The following MEIS1 variants were observed in gnomAD, a reference collection of about 807,000 sequenced individuals.
The protein encoded by MEIS1 is homeobox protein Meis1.
In MEIS1, 5 loss-of-function variants were observed where a neutral mutation model predicts 50.8. The ratio of observed to expected loss-of-function variants is 0.10; its 90% CI spans 0.05 to 0.21. MEIS1 has a LOEUF of 0.21. Among genes scored for constraint, MEIS1 ranks in the 10% least tolerant of loss-of-function variants. The pLI is 1.00. For synonymous variants in MEIS1, 176 were observed against 179.3 expected (o/e 0.98, Z 0.15); for missense variants, 318 against 517.3 (o/e 0.61, Z 3.74).
intron 7 of MEIS1, among the ~76,000 whole-genome samples, chr2:66,503,591 G>T (rs1673609618): frequency 6.6e-6 from 1 of 152,230 alleles, no homozygotes. Context: ...TAACTGGAAG[G>T]CTTGATAGAA....
chr2:66,482,057 T>C (rs527523612), intron 7 of MEIS1, among the ~76,000 whole-genome samples: 1 of 151,984 alleles, frequency 6.6e-6, no homozygotes, highest in Non-Finnish European at 1.5e-5. Context: ...AGACGGGGTT[T>C]CACCATGTTG....
chr2:66,567,337 G>T, intron 9 of MEIS1, 116 bp from the exon 10 acceptor site: 1 of 1,016,284 alleles, frequency 9.8e-7, no homozygotes, highest in Non-Finnish European at 1.5e-6. Context: ...AGAACTGAAG[G>T]AGTCCCATTT....
chr2:66,452,631 A>T (rs1372026304), intron 6 of MEIS1, among the ~76,000 whole-genome samples: 2 of 151,982 alleles, frequency 1.3e-5, no homozygotes, highest in Non-Finnish European at 2.9e-5. Context: ...TTGATGATAA[A>T]TTAATATGTT....
chr2:66,547,774 A>C (rs962874023), intron 8 of MEIS1, among the ~76,000 whole-genome samples, 169 bp from the exon 9 acceptor site: 3 of 152,192 alleles, frequency 2.0e-5, no homozygotes, highest in Non-Finnish European at 4.4e-5. Context: ...AATCTTTGTA[A>C]TTGGCTTGTC....
intron 8 of MEIS1, among the ~76,000 whole-genome samples, chr2:66,528,733 C>A (rs1163603742): frequency 6.6e-6 from 1 of 152,186 alleles, no homozygotes; most frequent in Non-Finnish European, 1.5e-5. Flanking sequence ...TATAAACCAT[C>A]CCTTATTTTG....
intron 7 of MEIS1, among the ~76,000 whole-genome samples, chr2:66,494,049 G>C (rs889583028): frequency 7.2e-5 from 11 of 152,204 alleles, no homozygotes; most frequent in Non-Finnish European, 1.6e-4. Flanking sequence ...GTGGTGGTAT[G>C]ATGGGCTGTA....
At chr2:66,567,720 CAGAGA>C in intron 10 of MEIS1, 1 of 667,500 alleles carries the variant, frequency 1.5e-6, no homozygotes, top group Non-Finnish European at 2.7e-6. Flanking sequence ...AAAAAGCCAA[CAGAGA>C]AAAGTAACTC....
chr2:66,442,543 A>C (rs1672020882), intron 5 of MEIS1, among the ~76,000 whole-genome samples: 1 of 152,174 alleles, frequency 6.6e-6, no homozygotes, highest in Admixed American at 6.5e-5. Context: ...TAGACACATT[A>C]GAAAGGGATT....
At position 66,563,975 on chromosome 2, in the gene MEIS1, T is replaced by G. The variant is rs113826660; in HGVS notation, c.966-3478T>G. 6.6e-4 allele frequency among the ~76,000 whole-genome samples: 100 copies of G among 152,330 alleles called. 1 individual carries two copies. Among genetic ancestry groups the G allele is most frequent in the African/African-American group, 2.3e-3 (96 of 41,576 alleles). On this transcript the variant is annotated intron_variant, in intron 9 of 12. Transcript: ENST00000272369. ...ATATTTTGCTATTTACTTTGTTGTT[T>G]TCACATAGATGTCCATCATGACCCC...
At chr2:66,460,369 A>G (rs970229563) in intron 6 of MEIS1, among the ~76,000 whole-genome samples, 1 of 152,104 alleles carries the variant, frequency 6.6e-6, no homozygotes, top group African/African-American at 2.4e-5. Context: ...AATACCATAC[A>G]TGGAATCAGA....
At chr2:66,452,576 A>G (rs527598280) in intron 6 of MEIS1, among the ~76,000 whole-genome samples, 3 of 152,058 alleles carry the variant, frequency 2.0e-5, no homozygotes, top group South Asian at 4.1e-4. Context: ...TCTTGGCTCT[A>G]GCTTCTAACA....
intron 7 of MEIS1, among the ~76,000 whole-genome samples, chr2:66,485,081 T>TTA (rs60029625): frequency 0.06 from 9,069 of 151,916 alleles, 878 homozygotes; most frequent in African/African-American, 0.2. Context: ...TATTGTTGGC[T>TTA]TATATATATA....
intron 7 of MEIS1, among the ~76,000 whole-genome samples, chr2:66,493,000 C>A (rs1238692728): frequency 6.6e-6 from 1 of 152,166 alleles, no homozygotes; most frequent in African/African-American, 2.4e-5. Context: ...GAAGCTGATA[C>A]CCCACTCAGG....
intron 7 of MEIS1, among the ~76,000 whole-genome samples, chr2:66,474,045 T>C (rs1315586177): frequency 6.6e-6 from 1 of 152,194 alleles, no homozygotes; most frequent in Non-Finnish European, 1.5e-5. Context: ...TAGAAAATAA[T>C]GACAAGAAAA....
chr2:66,456,180 CA>C (rs1449126520), intron 6 of MEIS1, among the ~76,000 whole-genome samples: 3 of 151,612 alleles, frequency 2.0e-5, no homozygotes, highest in African/African-American at 7.3e-5. Flanking sequence ...CTCTATTTAA[CA>C]GATGCTATGT....
At chr2:66,568,841 CT>C in intron 11 of MEIS1, 85 bp downstream of exon 11, 1 of 1,297,376 alleles carries the variant, frequency 7.7e-7, no homozygotes, top group Non-Finnish European at 1.1e-6. Flanking sequence ...CCGCCTCATC[CT>C]TTTCTGTTAT....
intron 8 of MEIS1, 38 bp downstream of exon 8, chr2:66,512,332 G>A (rs1225603748): frequency 3.8e-6 from 6 of 1,573,752 alleles, no homozygotes; most frequent in South Asian, 1.2e-5. Context: ...AACTAAATAT[G>A]GACAATGAAC....
At chr2:66,439,365 A>G in intron 2 of MEIS1, 1 of 1,236,040 alleles carries the variant, frequency 8.1e-7, no homozygotes. Flanking sequence ...TCCCCAAGTT[A>G]GCTGAGCGCC....
intron 11 of MEIS1, 27 bp from the exon 12 acceptor site, chr2:66,569,023 C>A (rs758536543): frequency 4.7e-5 from 76 of 1,606,568 alleles, no homozygotes; most frequent in Non-Finnish European, 3.6e-5. Context: ...TTTCTGGCCT[C>A]TTCTTGGATT....
Sources: allele counts gnomAD v4.1 joint callset (sites outside exome capture counted in the v4.1 genomes callset), GRCh38; gene constraint gnomAD v4.1.1; transcripts MANE v1.5; gene names NCBI Gene and HGNC (gene_info 2026-07-23, HGNC 2026-07-21).